SATB2: variants seen among roughly 807,000 people sequenced by gnomAD.
SATB2 encodes the protein DNA-binding protein SATB2.
A neutral mutation model predicts 73.4 loss-of-function variants in SATB2; 1 was observed. The ratio of observed to expected loss-of-function variants is 0.01; its 90% CI spans 0.00 to 0.06. The LOEUF is 0.06. SATB2 is among the 10% of genes least tolerant of loss of function. The probability of loss-of-function intolerance (pLI) is 1.00; values close to 1 mark genes in which losing one functional copy is unlikely to be tolerated. For synonymous variants in SATB2, 397 were observed against 367.0 expected (o/e 1.08, Z -0.93); for missense variants, 459 against 945.8 (o/e 0.49, Z 6.75).
At chr2:199,398,375 A>AT (rs1690367554) in intron 3 of SATB2, among the ~76,000 whole-genome samples, 1 of 152,244 alleles carries the variant, frequency 6.6e-6, no homozygotes. Context: ...CATATTGATT[A>AT]TTTTGAGTTG....
At position 199,464,396 on chromosome 2, in the gene SATB2, C is replaced by T. The variant is rs916490585; in HGVS notation, c.-141+440G>A. Reference sequence around the variant, plus strand: ...TTTATTTTCAATAAATTCAGCTGTTCACATACACCCCCACCACCATTTCCA... The same window carrying T: ...TTTATTTTCAATAAATTCAGCTGTTTACATACACCCCCACCACCATTTCCA... On this transcript the variant is annotated intron_variant, in intron 1 of 11. Transcript: ENST00000260926. The surrounding 1 kb of genome is among the most constrained non-coding windows in gnomAD (Gnocchi z 6.6). 6.6e-6 allele frequency among the ~76,000 whole-genome samples: 1 copy of T among 151,922 alleles called. No individual in the cohort carries two copies. The highest frequency in any genetic ancestry group is 1.5e-5 in the Non-Finnish European group (1 of 68,010).
chr2:199,297,949 G>A (rs1184337134), intron 10 of SATB2, among the ~76,000 whole-genome samples: 1 of 151,984 alleles, frequency 6.6e-6, no homozygotes, highest in Non-Finnish European at 1.5e-5. Context: ...AGCTTAAAAT[G>A]TAGGAAGGCC....
intron 3 of SATB2, among the ~76,000 whole-genome samples, chr2:199,404,084 C>T (rs1256114403): frequency 6.6e-6 from 1 of 152,194 alleles, no homozygotes; most frequent in East Asian, 1.9e-4. Flanking sequence ...GGCCTCTAAA[C>T]GCTGTACGGA....
At chr2:199,297,603 T>C (rs1687147011) in intron 10 of SATB2, among the ~76,000 whole-genome samples, 1 of 152,172 alleles carries the variant, frequency 6.6e-6, no homozygotes, top group South Asian at 2.1e-4. Flanking sequence ...ATATTTATTT[T>C]CCCTTGTTTG....
intron 3 of SATB2, among the ~76,000 whole-genome samples, chr2:199,389,235 T>C (rs1690051937): frequency 6.6e-6 from 1 of 152,188 alleles, no homozygotes; most frequent in Non-Finnish European, 1.5e-5. Flanking sequence ...ATATTTTCCT[T>C]TTTAATGCAT....
chr2:199,328,290 C>G (rs1052000746), intron 8 of SATB2, among the ~76,000 whole-genome samples: 2 of 152,140 alleles, frequency 1.3e-5, no homozygotes, highest in African/African-American at 4.8e-5. Flanking sequence ...CCTGTAATCC[C>G]AGCACTTTGG....
At chr2:199,465,730 T>C (rs1692581700), upstream of SATB2, among the ~76,000 whole-genome samples, 1 of 152,190 alleles carries the variant, frequency 6.6e-6, no homozygotes, top group Admixed American at 6.5e-5. Flanking sequence ...ACTTTTTTCG[T>C]TTTTGTTGTG....
intron 10 of SATB2, among the ~76,000 whole-genome samples, chr2:199,299,624 T>G (rs968768725): frequency 9.4e-6 from 1 of 106,356 alleles, no homozygotes; most frequent in Non-Finnish European, 2.4e-5. Flanking sequence ...TCAATGTACA[T>G]GTGAAATTTT....
At chr2:199,330,165 G>A (rs972601640) in intron 7 of SATB2, among the ~76,000 whole-genome samples, 1 of 152,166 alleles carries the variant, frequency 6.6e-6, no homozygotes, top group Non-Finnish European at 1.5e-5. Flanking sequence ...GGCAATGGAT[G>A]TAAGAGGAAT....
At chr2:199,390,421 A>T (rs1191474395) in intron 3 of SATB2, among the ~76,000 whole-genome samples, 1 of 152,188 alleles carries the variant, frequency 6.6e-6, no homozygotes, top group African/African-American at 2.4e-5. Context: ...AAGTTTAATC[A>T]TTTTCTAAAA....
chr2:199,436,285 CT>C (rs1438772895), intron 2 of SATB2, among the ~76,000 whole-genome samples: 42 of 152,174 alleles, frequency 2.8e-4, no homozygotes, highest in African/African-American at 9.6e-4. Context: ...CATGTAGGGA[CT>C]TACGTTTTAT....
In SATB2 at chr2:199,371,914, T is replaced by C. The variant is rs1574557852; in HGVS notation, c.598-3207A>G. Reference sequence around the variant, plus strand: ...GCTAATATTAAAATGATTTTGCATTTACTAAGCATGTATCGCTTTGCATGG... The same window carrying C: ...GCTAATATTAAAATGATTTTGCATTCACTAAGCATGTATCGCTTTGCATGG... On this transcript the variant is annotated intron_variant, in intron 5 of 10. Coordinates refer to ENST00000417098, the MANE Select transcript of SATB2 (RefSeq NM_001172509.2). 2.0e-5 allele frequency among the ~76,000 whole-genome samples: 3 copies of C among 152,178 alleles called. No homozygotes were observed. The East Asian group carries it at 5.8e-4, about 29-fold the overall frequency.
rs1478232447 is a variant in SATB2, at chr2:199,272,438, T to C, written c.1975A>G (p.Ile659Val). The C allele has an allele frequency of 6.2e-7, 1 of 1,614,024 alleles. No homozygotes were observed. Among genetic ancestry groups the C allele is most frequent in the Admixed American group, 1.7e-5 (1 of 59,994 alleles). Residue 659 changes from isoleucine to valine, a missense_variant, in exon 11 of 11, where the codon ATC becomes GTC. By Grantham distance (29) the Ile-to-Val change is conservative. Transcript: ENST00000417098. The surrounding 1 kb of genome is among the most constrained non-coding windows in gnomAD (Gnocchi z 6.7). The stretch of plus-strand genomic sequence containing the variant: ...CGCTGGTTCTGGAAGAACTTGATGA[T>C]GGTGTGTTTGGGGAGATCCAGCTGA... ...SAQLDLPKHT[I>V]IKFFQNQRYH... is the part of the protein sequence containing the mutation.
intron 9 of SATB2, among the ~76,000 whole-genome samples, chr2:199,316,575 C>T (rs888341938): frequency 6.6e-6 from 1 of 152,080 alleles, no homozygotes; most frequent in African/African-American, 2.4e-5. Flanking sequence ...ATGCATGTCA[C>T]TGACATTTCT....
At chr2:199,387,094 T>A (rs537480159) in intron 3 of SATB2, among the ~76,000 whole-genome samples, 1 of 152,216 alleles carries the variant, frequency 6.6e-6, no homozygotes, top group African/African-American at 2.4e-5. Context: ...TTTATCCTTA[T>A]GAAAACAGCC....
intron 5 of SATB2, chr2:199,368,977 A>G: frequency 6.3e-6 from 2 of 318,334 alleles, no homozygotes; most frequent in Non-Finnish European, 5.9e-6. Context: ...TGCAAAGAGG[A>G]AGAACAGTTG....
intron 3 of SATB2, among the ~76,000 whole-genome samples, chr2:199,401,946 C>T (rs960403676): frequency 5.3e-5 from 8 of 152,190 alleles, no homozygotes; most frequent in Non-Finnish European, 7.4e-5. Flanking sequence ...CTGGGGGAGG[C>T]TGCCCTGAAG....
At chr2:199,312,084 T>A (rs1687613970) in intron 9 of SATB2, among the ~76,000 whole-genome samples, 1 of 151,902 alleles carries the variant, frequency 6.6e-6, no homozygotes, top group Admixed American at 6.6e-5. Context: ...CAGTGACAGA[T>A]GACAGTATTC....
chr2:199,393,809 T>A (rs1035917984), intron 3 of SATB2, among the ~76,000 whole-genome samples: 4 of 152,162 alleles, frequency 2.6e-5, no homozygotes, highest in Non-Finnish European at 5.9e-5. Context: ...TTTCAAAGTA[T>A]AGTAAACAAC....
Sources: allele counts gnomAD v4.1 joint callset (sites outside exome capture counted in the v4.1 genomes callset), GRCh38; gene constraint gnomAD v4.1.1; non-coding constraint Gnocchi (gnomAD v3.1); transcripts MANE v1.5; gene names NCBI Gene and HGNC (gene_info 2026-07-23, HGNC 2026-07-21).